GTF3C5: variants seen among roughly 807,000 people sequenced by gnomAD.
GTF3C5 encodes the protein general transcription factor 3C polypeptide 5.
Under a neutral mutation model 61.0 loss-of-function variants are expected in GTF3C5, and 47 were observed. That is an observed-to-expected ratio of 0.77 (90% CI 0.61 to 0.98). The LOEUF (loss-of-function observed/expected upper bound fraction) is 0.98, where lower values mean the gene tolerates loss of function less well. Ranked by LOEUF, GTF3C5 falls within the 50% of genes least tolerant of loss-of-function variation. The pLI is 0.00. For synonymous variants in GTF3C5, 295 were observed against 275.4 expected (o/e 1.07, Z -0.71); for missense variants, 659 against 703.3 (o/e 0.94, Z 0.71).
At chr9:133,040,799 G>A (rs561696654) in intron 1 of GTF3C5, among the ~76,000 whole-genome samples, 36 of 152,282 alleles carry the variant, frequency 2.4e-4, no homozygotes, top group Non-Finnish European at 4.4e-4. Context: ...AGCCACCCAG[G>A]TGCTGAGGCA....
intron 1 of GTF3C5, among the ~76,000 whole-genome samples, chr9:133,039,683 C>T (rs915368508): frequency 4.6e-5 from 7 of 152,180 alleles, no homozygotes; most frequent in African/African-American, 1.4e-4. Context: ...GGAATACATG[C>T]ATATGAATCT....
chr9:133,046,578 T>G lies in GTF3C5; in HGVS notation c.572+2652T>G, dbSNP rs569656960. On this transcript the variant is annotated intron_variant, in intron 3 of 10. Coordinates refer to ENST00000372097, the MANE Select transcript of GTF3C5 (RefSeq NM_012087.4). ...TTATGTGTTTCCTTTATGTCCTGAC[T>G]GAGCACCTGTGGTGGCCCAGGGCAC... Among the ~76,000 whole-genome samples the G allele has an allele frequency of 2.6e-5, 4 of 152,324 alleles. No individual in the cohort carries two copies. The South Asian group carries it at 6.2e-4, about 24-fold the overall frequency.
chr9:133,033,583 C>T (rs906467949), intron 1 of GTF3C5, among the ~76,000 whole-genome samples: 3 of 152,126 alleles, frequency 2.0e-5, no homozygotes, highest in South Asian at 2.1e-4. Context: ...GGGGCTGACC[C>T]GCAGGGTGTT....
chr9:133,044,130 G>T, intron 3 of GTF3C5: 10 of 185,626 alleles, frequency 5.4e-5, no homozygotes, highest in South Asian at 2.5e-4. Context: ...GGGTGACAGA[G>T]TGAGACTTTG....
Position 133,056,077 on chromosome 9 carries a change from C to A in GTF3C5, c.1233C>A (p.Cys411Ter). The A allele has an allele frequency of 3.7e-6, 6 of 1,613,918 alleles. No individual in the cohort carries two copies. Among genetic ancestry groups the A allele is most frequent in the Non-Finnish European group, 5.1e-6 (6 of 1,179,838 alleles). ...PPYRQMFYQL[C>*]DLNVEELQKI... ...ATCGGCAGATGTTCTACCAGTTATG[C>A]GACTTGAATGTGGAAGAGTACGTAT... Residue 411 changes from cysteine (C) to a stop codon, truncating the protein, a stop_gained, in exon 9 of 11, where the codon TGC (cysteine) becomes TGA (stop). Transcript: ENST00000372097. LOFTEE classifies it high-confidence loss of function.
chr9:133,043,792 T>C lies in GTF3C5; in HGVS notation c.438T>C (p.Tyr146=), dbSNP rs1033571304. ...CAGGCGGCAAGCATACGTCAATGTA[T>C]GACAAGGTGCTCATGCTCCGGCCCG... ...TEAGGKHTSM[Y]DKVLMLRPEK... The change falls in exon 3 of 11, where the codon TAT becomes TAC. Residue 146 remains tyrosine, a synonymous_variant. Coordinates refer to ENST00000372097, the MANE Select transcript of GTF3C5 (RefSeq NM_012087.4). The C allele has an allele frequency of 2.5e-6, 4 of 1,614,076 alleles. No individual in the cohort carries two copies. The African/African-American group carries it at 4.0e-5, about 16-fold the overall frequency.
At chr9:133,044,356 T>A in intron 3 of GTF3C5, 1 of 164,948 alleles carries the variant, frequency 6.1e-6, no homozygotes, top group Non-Finnish European at 1.3e-5. Flanking sequence ...TGTGGGTTCC[T>A]GCTGAGAAAT....
chr9:133,052,291 C>T, intron 5 of GTF3C5, 127 bp downstream of exon 5: 1 of 581,886 alleles, frequency 1.7e-6, no homozygotes, highest in Non-Finnish European at 3.1e-6. Context: ...CCTTCCTGCC[C>T]CACCCCCATC....
intron 5 of GTF3C5, 76 bp downstream of exon 5, chr9:133,052,240 GC>G: frequency 1.3e-6 from 1 of 772,242 alleles, no homozygotes; most frequent in Non-Finnish European, 2.2e-6. Flanking sequence ...ATGTCTTAGA[GC>G]CACAGTAAGA....
intron 3 of GTF3C5, among the ~76,000 whole-genome samples, chr9:133,045,938 G>T (rs1352029913): frequency 6.6e-6 from 1 of 152,240 alleles, no homozygotes; most frequent in South Asian, 2.1e-4. Flanking sequence ...TGTCCAGCCC[G>T]AAAAGGACTT....
chr9:133,048,294 A>G (rs1180438518), intron 3 of GTF3C5, among the ~76,000 whole-genome samples: 1 of 152,200 alleles, frequency 6.6e-6, no homozygotes. Context: ...GGTCAGATCA[A>G]GACCATCCTG....
chr9:133,040,421 A>G (rs1850003229), intron 1 of GTF3C5, among the ~76,000 whole-genome samples: 1 of 152,212 alleles, frequency 6.6e-6, no homozygotes, highest in Non-Finnish European at 1.5e-5. Context: ...GCATTGGGCA[A>G]GTATTCATTC....
chr9:133,054,931 T>C (rs770469177), intron 8 of GTF3C5, 122 bp downstream of exon 8: 1 of 1,549,372 alleles, frequency 6.5e-7, no homozygotes, highest in South Asian at 1.2e-5. Flanking sequence ...CTCGGCACCT[T>C]GCTTCCTTTT....
Position 133,054,819 on chromosome 9 carries a change from C to T in GTF3C5, c.1167+10C>T, listed in dbSNP as rs891177915. 5.8e-6 allele frequency: 9 copies of T among 1,557,110 alleles called. No individual in the cohort carries two copies. Among genetic ancestry groups the T allele is most frequent in the Non-Finnish European group, 7.8e-6 (9 of 1,150,704 alleles). On this transcript the variant is annotated intron_variant, in intron 8 of 10. Coordinates refer to ENST00000372097, the MANE Select transcript of GTF3C5 (RefSeq NM_012087.4). ...CAAGTACAAGCTCAAGGTGGGCGCCCCTGGAGGCCAGGAATGGAGGGGAGG... is the reference window on the plus strand; with the variant it reads ...CAAGTACAAGCTCAAGGTGGGCGCCTCTGGAGGCCAGGAATGGAGGGGAGG...
intron 1 of GTF3C5, among the ~76,000 whole-genome samples, chr9:133,035,630 CT>C (rs1252831171): frequency 6.6e-6 from 1 of 152,078 alleles, no homozygotes; most frequent in African/African-American, 2.4e-5. Context: ...ATTAATTTCC[CT>C]TTTTCAGTGG....
chr9:133,051,017 C>G, intron 4 of GTF3C5, 39 bp downstream of exon 4: 1 of 1,484,608 alleles, frequency 6.7e-7, no homozygotes, highest in South Asian at 1.3e-5. Flanking sequence ...TGGCTCCAGC[C>G]TCTCTGTTGG....
upstream of GTF3C5, chr9:133,030,952 C>T: frequency 6.4e-7 from 1 of 1,570,046 alleles, no homozygotes; most frequent in Admixed American, 1.7e-5. Context: ...ACAATTGAGG[C>T]GAGGCCTTTG....
At position 133,053,929 on chromosome 9, in the gene GTF3C5, T is replaced by C. The variant is rs1180348701; in HGVS notation, c.975T>C (p.Cys325=). Residue 325 remains cysteine (C), a synonymous_variant, in exon 6 of 11, where the codon TGT becomes TGC. Coordinates refer to ENST00000372097, the MANE Select transcript of GTF3C5 (RefSeq NM_012087.4). ...AAGTCCTCGATTTCCGAATCCGTTG[T>C]GGAATGAAACACGGTAAAAATTCCT... ...IYQVLDFRIR[C]GMKHGYAPSD... 2.5e-6 allele frequency: 4 copies of C among 1,607,814 alleles called. No homozygotes were observed. The East Asian group carries it at 8.9e-5, about 36-fold the overall frequency.
intron 4 of GTF3C5, among the ~76,000 whole-genome samples, chr9:133,051,701 C>T (rs747672601): frequency 2.6e-5 from 4 of 152,202 alleles, no homozygotes; most frequent in Non-Finnish European, 5.9e-5. Flanking sequence ...CCACCTCAGG[C>T]ACCTGTTCTG....
Sources: allele counts gnomAD v4.1 joint callset (sites outside exome capture counted in the v4.1 genomes callset), GRCh38; gene constraint gnomAD v4.1.1; transcripts MANE v1.5; gene names NCBI Gene and HGNC (gene_info 2026-07-23, HGNC 2026-07-21).